The following SV2B variants were observed in gnomAD, a reference collection of about 807,000 sequenced individuals.
The protein encoded by SV2B is solute carrier family 22 member B2.
A neutral mutation model predicts 73.9 loss-of-function variants in SV2B; 41 were observed. The observed-to-expected ratio is 0.56, with a 90% CI of 0.43 to 0.72. SV2B has a LOEUF of 0.72. SV2B is among the 30% of genes least tolerant of loss of function. The probability of loss-of-function intolerance (pLI) is 0.00; values close to 1 mark genes in which losing one functional copy is unlikely to be tolerated. For synonymous variants in SV2B, 314 were observed against 314.2 expected, an observed-to-expected ratio of 1.00 and a Z score of 0.01; for missense variants, 764 against 857.8, an observed-to-expected ratio of 0.89 and a Z score of 1.37.
intron 1 of SV2B, among the ~76,000 whole-genome samples, chr15:91,142,330 GC>G: frequency 6.6e-6 from 1 of 152,260 alleles, no homozygotes; most frequent in South Asian, 2.1e-4. Flanking sequence ...GGTGTCTGCT[GC>G]CCCAAGTGGC....
intron 1 of SV2B, among the ~76,000 whole-genome samples, chr15:91,190,844 T>C (rs1389671461): frequency 6.6e-6 from 1 of 152,168 alleles, no homozygotes; most frequent in East Asian, 1.9e-4. Context: ...CCAGCTACAA[T>C]GGTTGATTTA....
chr15:91,168,510 A>G (rs1457381478), intron 1 of SV2B, among the ~76,000 whole-genome samples: 1 of 152,138 alleles, frequency 6.6e-6, no homozygotes, highest in Non-Finnish European at 1.5e-5. Context: ...AGGGAGAAAA[A>G]GGGGATACCT....
At chr15:91,206,116 C>T (rs2045628837) in intron 1 of SV2B, among the ~76,000 whole-genome samples, 3 of 151,686 alleles carry the variant, frequency 2.0e-5, no homozygotes. Context: ...TAGCTCACTG[C>T]TGCCTTGAAA....
chr15:91,271,559 T>C (rs1052628761), intron 9 of SV2B, among the ~76,000 whole-genome samples: 1 of 152,218 alleles, frequency 6.6e-6, no homozygotes, highest in Admixed American at 6.5e-5. Context: ...ATTGTAACTT[T>C]CATCATATGG....
At chr15:91,198,603 G>A (rs1428460331) in intron 1 of SV2B, among the ~76,000 whole-genome samples, 2 of 152,140 alleles carry the variant, frequency 1.3e-5, no homozygotes, top group African/African-American at 4.8e-5. Context: ...TAAATGAGAT[G>A]CAGAATATAT....
At chr15:91,158,727 T>TTCC (rs2043602273) in intron 1 of SV2B, among the ~76,000 whole-genome samples, 3 of 103,676 alleles carry the variant, frequency 2.9e-5, no homozygotes, top group Admixed American at 1.0e-4. Context: ...TCCTCTCCTC[T>TTCC]CTTCTCCTCT....
rs2141159629 is a variant in SV2B, at chr15:91,132,956, C to CT, written c.-392+32594dup. 6.6e-6 allele frequency among the ~76,000 whole-genome samples: 1 copy of CT among 152,346 alleles called. No homozygotes were observed. The highest frequency in any genetic ancestry group is 1.9e-4 in the East Asian group (1 of 5,192). On this transcript the variant is annotated intron_variant, in intron 1 of 12. Transcript: ENST00000394232. The surrounding 1 kb of genome is among the most constrained non-coding windows in gnomAD (Gnocchi z 4.6). ...CCAGTGCATAATAAGGGCTAAAAGA[C>CT]TAAAGACTATTGGGCATCTGTTGCG...
intron 1 of SV2B, among the ~76,000 whole-genome samples, chr15:91,162,681 C>T (rs1453803459): frequency 6.6e-6 from 1 of 152,216 alleles, no homozygotes; most frequent in Admixed American, 6.5e-5. Context: ...CAATCTCATT[C>T]TTCTTGTTGG....
chr15:91,104,626 C>T (rs969261213), intron 1 of SV2B, among the ~76,000 whole-genome samples: 2 of 152,078 alleles, frequency 1.3e-5, no homozygotes, highest in Non-Finnish European at 2.9e-5. Flanking sequence ...ACCATAGGGA[C>T]CTGAATATTT....
intron 2 of SV2B, among the ~76,000 whole-genome samples, chr15:91,235,974 C>A (rs3784772): frequency 0.36 from 54,490 of 152,032 alleles, 14,960 homozygotes; most frequent in African/African-American, 0.78. Flanking sequence ...AAATTAAATG[C>A]AATTACCCCT....
intron 9 of SV2B, among the ~76,000 whole-genome samples, chr15:91,276,250 A>C (rs2048483325): frequency 1.3e-5 from 2 of 151,836 alleles, no homozygotes; most frequent in South Asian, 4.2e-4. Context: ...AGCTATTTGA[A>C]TATCATGTGC....
intron 1 of SV2B, among the ~76,000 whole-genome samples, chr15:91,190,693 T>A (rs60336190): frequency 2.0e-5 from 3 of 152,210 alleles, no homozygotes; most frequent in African/African-American, 7.2e-5. Flanking sequence ...TCTATGAAGC[T>A]TCTGGTACAT....
intron 1 of SV2B, among the ~76,000 whole-genome samples, chr15:91,207,855 A>G (rs2045701194): frequency 6.6e-6 from 1 of 152,126 alleles, no homozygotes; most frequent in African/African-American, 2.4e-5. Context: ...TTGACAACCT[A>G]TGTGACAATT....
rs1176890923 is a variant in SV2B, at chr15:91,293,637, A to G, written c.*1085A>G. 2.6e-5 allele frequency: 4 copies of G among 152,266 alleles called. No individual in the cohort carries two copies. The highest frequency in any genetic ancestry group is 9.6e-5 in the African/African-American group (4 of 41,470). The allele number at this position is 152,266 out of a possible 1,614,324, so 9.4% of individuals were successfully genotyped here. A position where few individuals can be genotyped will look rare whatever the true frequency, so the allele number is the denominator to read the frequency against. On this transcript the variant is annotated 3_prime_UTR_variant, in exon 13 of 13. Coordinates refer to ENST00000394232, the MANE Select transcript of SV2B (RefSeq NM_001323032.3). ...ACTCTTTGCAGGCAAGAATCAAACA[A>G]CATGGGGACTGAGGGAAGGATGGGG...
At chr15:91,147,766 T>A (rs949289433) in intron 1 of SV2B, among the ~76,000 whole-genome samples, 1 of 152,022 alleles carries the variant, frequency 6.6e-6, no homozygotes, top group African/African-American at 2.4e-5. Flanking sequence ...ATATTATAGG[T>A]CTAGTGCCTA....
Position 91,268,583 on chromosome 15 carries a change from C to G in SV2B, c.1351C>G (p.His451Asp), listed in dbSNP as rs747795228. Residue 451 changes from histidine (H) to aspartate (D), a missense_variant, in exon 9 of 13, where the codon CAT becomes GAT. Physicochemically the swap from His to Asp is moderately conservative, Grantham distance 81. Transcript: ENST00000394232. This position sits in a 1 kb window ranked among gnomAD's most constrained non-coding sequence, Gnocchi z 4.4. ...CACGATGGAAAATCAGATCCACCAA[C>G]ATGGGAAACTTGTGAATGATAAGTA... ...NFTMENQIHQ[H>D]GKLVNDKFTR... 7.4e-6 allele frequency: 12 copies of G among 1,613,324 alleles called. No homozygotes were observed. The highest frequency in any genetic ancestry group is 3.3e-4 in the Middle Eastern group (2 of 6,080).
rs2042959014 is a variant in SV2B, at chr15:91,140,210, C to A, written c.-392+39847C>A. Reference sequence around the variant, plus strand: ...CAAACATTCCGTGAGTATCACAATGCTCATTATTTTTCTTCAAAGTAATAG... The same window carrying A: ...CAAACATTCCGTGAGTATCACAATGATCATTATTTTTCTTCAAAGTAATAG... On this transcript the variant is annotated intron_variant, in intron 1 of 12. Coordinates refer to ENST00000394232, the MANE Select transcript of SV2B (RefSeq NM_001323032.3). The surrounding 1 kb of genome is among the most constrained non-coding windows in gnomAD (Gnocchi z 4.4). Among the ~76,000 whole-genome samples, 1 of 152,208 alleles carries A rather than the reference C, an allele frequency of 6.6e-6. No individual in the cohort carries two copies. Among genetic ancestry groups the A allele is most frequent in the Non-Finnish European group, 1.5e-5 (1 of 68,046 alleles).
Position 91,253,165 on chromosome 15 carries a change from C to T in SV2B, c.784+645C>T, listed in dbSNP as rs1393304644. On this transcript the variant is annotated intron_variant, in intron 4 of 12. Transcript: ENST00000394232. The surrounding 1 kb of genome is among the most constrained non-coding windows in gnomAD (Gnocchi z 5.0). ...CAACATCAACTTTTACTACTGGTTTCGTCAAGAGCAAAGTAGGGAGAAGGC... is the reference window on the plus strand; with the variant it reads ...CAACATCAACTTTTACTACTGGTTTTGTCAAGAGCAAAGTAGGGAGAAGGC... 6.6e-6 allele frequency among the ~76,000 whole-genome samples: 1 copy of T among 152,210 alleles called. No individual in the cohort carries two copies. Among genetic ancestry groups the T allele is most frequent in the Non-Finnish European group, 1.5e-5 (1 of 68,032 alleles).
chr15:91,297,037 C>G lies in SV2B; in HGVS notation c.*4485C>G, dbSNP rs970110606. On this transcript the variant is annotated 3_prime_UTR_variant, in exon 13 of 13. Transcript: ENST00000394232. This position sits in a 1 kb window ranked among gnomAD's most constrained non-coding sequence, Gnocchi z 5.1. The stretch of plus-strand genomic sequence containing the variant: ...ATCGTTGGGCGCACGCTTCTTCTGC[C>G]TGATCGTTGGGCGCACGCTCCTTCT... 2 of 151,860 alleles carry G rather than the reference C, an allele frequency of 1.3e-5. No homozygotes were observed. The highest frequency in any genetic ancestry group is 4.9e-5 in the African/African-American group (2 of 40,590). The allele number at this position is 151,860 out of a possible 1,614,324, so 9.4% of individuals were successfully genotyped here. A position where few individuals can be genotyped will look rare whatever the true frequency, so the allele number is the denominator to read the frequency against.
Sources: allele counts gnomAD v4.1 joint callset (sites outside exome capture counted in the v4.1 genomes callset), GRCh38; gene constraint gnomAD v4.1.1; non-coding constraint Gnocchi (gnomAD v3.1); transcripts MANE v1.5; gene names NCBI Gene and HGNC (gene_info 2026-07-23, HGNC 2026-07-21).